Variants in RABGAP1L observed in about 807,000 individuals in gnomAD.
The protein encoded by RABGAP1L is rab GTPase-activating protein 1-like.
Under a neutral mutation model 137.7 loss-of-function variants are expected in RABGAP1L, and 63 were observed. The ratio of observed to expected loss-of-function variants is 0.46; its 90% CI spans 0.37 to 0.56. The LOEUF is 0.56. Among genes scored for constraint, RABGAP1L ranks in the 20% least tolerant of loss-of-function variants. The pLI is 0.00. For synonymous variants in RABGAP1L, 431 were observed against 433.7 expected (o/e 0.99, Z 0.08); for missense variants, 1,095 against 1,244.0 (o/e 0.88, Z 1.80).
At chr1:174,579,871 C>T (rs1232283807) in intron 13 of RABGAP1L, among the ~76,000 whole-genome samples, 2 of 152,204 alleles carry the variant, frequency 1.3e-5, no homozygotes, top group African/African-American at 2.4e-5. Flanking sequence ...AAGCAATTCT[C>T]CTGCCTCAGT....
chr1:174,302,001 T>G (rs1029169478), intron 10 of RABGAP1L, among the ~76,000 whole-genome samples: 1 of 152,208 alleles, frequency 6.6e-6, no homozygotes, highest in Non-Finnish European at 1.5e-5. Context: ...CCTGCCCCTG[T>G]CTGCCTAGGA....
At chr1:174,211,962 A>G (rs572555738) in intron 1 of RABGAP1L, among the ~76,000 whole-genome samples, 83 of 152,232 alleles carry the variant, frequency 5.5e-4, no homozygotes, top group African/African-American at 1.9e-3. Flanking sequence ...ACCTAACCCT[A>G]GAGCACCCAG....
intron 1 of RABGAP1L, among the ~76,000 whole-genome samples, chr1:174,193,674 CAG>C (rs556105689): frequency 1.3e-3 from 198 of 152,198 alleles, no homozygotes; most frequent in Non-Finnish European, 2.1e-3. Flanking sequence ...GAACATTAAA[CAG>C]AATGCCAGGT....
chr1:174,639,290 T>C (rs1674332407), intron 14 of RABGAP1L, among the ~76,000 whole-genome samples: 1 of 152,114 alleles, frequency 6.6e-6, no homozygotes, highest in Non-Finnish European at 1.5e-5. Flanking sequence ...ATATATAACT[T>C]ATAATCTGAG....
At chr1:174,950,123 C>A (rs1258991453) in intron 19 of RABGAP1L, among the ~76,000 whole-genome samples, 1 of 152,166 alleles carries the variant, frequency 6.6e-6, no homozygotes, top group Non-Finnish European at 1.5e-5. Flanking sequence ...AAAACAAGTA[C>A]AGCACCATAG....
intron 1 of RABGAP1L, among the ~76,000 whole-genome samples, chr1:174,207,441 A>G (rs376819489): frequency 7.2e-5 from 11 of 152,316 alleles, no homozygotes; most frequent in South Asian, 6.2e-4. Flanking sequence ...ACTGCTGCAT[A>G]ATAGTAGACT....
intron 13 of RABGAP1L, among the ~76,000 whole-genome samples, chr1:174,414,875 G>T (rs1650369182): frequency 1.3e-5 from 2 of 151,346 alleles, no homozygotes; most frequent in South Asian, 4.2e-4. Flanking sequence ...TTGAAAACTA[G>T]TTTCCTAGTT....
Position 174,328,008 on chromosome 1 carries a change from T to C in RABGAP1L, c.1465+22881T>C, listed in dbSNP as rs910835200. Among the ~76,000 whole-genome samples, 82 of 125,826 alleles carry C rather than the reference T, an allele frequency of 6.5e-4. 3 individuals carry two copies. Among genetic ancestry groups the C allele is most frequent in the African/African-American group, 3.1e-3 (75 of 24,400 alleles). 82.5% of individuals were successfully genotyped at this position (125,826 alleles called of 152,430 possible). ...ACACATATATATATATATATATATATATATATATATATATATACCCAACAT... is the reference window on the plus strand; with the variant it reads ...ACACATATATATATATATATATATACATATATATATATATATACCCAACAT... On this transcript the variant is annotated intron_variant, in intron 11 of 25. Transcript: ENST00000681986.
At chr1:174,862,181 C>T (rs577256267) in intron 19 of RABGAP1L, among the ~76,000 whole-genome samples, 2 of 152,158 alleles carry the variant, frequency 1.3e-5, no homozygotes, top group South Asian at 2.1e-4. Context: ...TTTCCAGCAC[C>T]GTTTATTGGA....
chr1:174,350,033 G>A (rs1453901142), intron 11 of RABGAP1L, among the ~76,000 whole-genome samples: 21 of 124,710 alleles, frequency 1.7e-4, no homozygotes, highest in Non-Finnish European at 3.2e-4. Flanking sequence ...CAGTAGGGGC[G>A]GCCGGGCAGA....
intron 10 of RABGAP1L, among the ~76,000 whole-genome samples, chr1:174,292,141 G>A (rs978056450): frequency 4.7e-5 from 7 of 149,962 alleles, no homozygotes; most frequent in Non-Finnish European, 1.0e-4. Context: ...GGGCTCAAGC[G>A]AGTCTCCCAT....
intron 13 of RABGAP1L, among the ~76,000 whole-genome samples, chr1:174,552,132 C>T (rs957929345): frequency 6.6e-6 from 1 of 152,112 alleles, no homozygotes; most frequent in African/African-American, 2.4e-5. Flanking sequence ...TTTGGCATGG[C>T]ACATGATCTT....
rs562043404 is a variant in RABGAP1L at position 174,238,542 on chromosome 1, G to T, written c.543-2941G>T. ...ATACCCTGCAGTGTGAGGTGTCAGTGTGCCTCTGCTGGGGGGTGCCTCCCA... is the reference window on the plus strand; with the variant it reads ...ATACCCTGCAGTGTGAGGTGTCAGTTTGCCTCTGCTGGGGGGTGCCTCCCA... On this transcript the variant is annotated intron_variant, in intron 4 of 25. Coordinates refer to ENST00000681986, the MANE Select transcript of RABGAP1L (RefSeq NM_001366446.1). Among the ~76,000 whole-genome samples, 156 of 152,170 alleles carry T rather than the reference G, an allele frequency of 1.0e-3. 1 individual carries two copies. Among genetic ancestry groups the T allele is most frequent in the African/African-American group, 2.8e-3 (117 of 41,468 alleles).
chr1:174,805,429 A>C (rs1359606126), intron 18 of RABGAP1L, among the ~76,000 whole-genome samples: 1 of 152,264 alleles, frequency 6.6e-6, no homozygotes, highest in Non-Finnish European at 1.5e-5. Flanking sequence ...AGGATTTGTC[A>C]GAAAGCTCAG....
intron 3 of RABGAP1L, among the ~76,000 whole-genome samples, chr1:174,227,492 C>T (rs1001087966): frequency 2.0e-5 from 3 of 151,924 alleles, no homozygotes; most frequent in Non-Finnish European, 4.4e-5. Flanking sequence ...TGAGTCACTG[C>T]GCCCAGCTGA....
intron 13 of RABGAP1L, among the ~76,000 whole-genome samples, chr1:174,397,995 A>C (rs1648084747): frequency 6.6e-6 from 1 of 152,226 alleles, no homozygotes; most frequent in African/African-American, 2.4e-5. Flanking sequence ...AAAAAGATAC[A>C]AATCTGAACC....
chr1:174,571,337 TG>T (rs1667965473), intron 13 of RABGAP1L, among the ~76,000 whole-genome samples: 1 of 152,042 alleles, frequency 6.6e-6, no homozygotes, highest in African/African-American at 2.4e-5. Flanking sequence ...TTAGAAAGAA[TG>T]AGTAAGACCT....
chr1:174,664,734 C>CCT (rs1553229416), intron 14 of RABGAP1L, among the ~76,000 whole-genome samples: 1 of 97,580 alleles, frequency 1.0e-5, no homozygotes, highest in Non-Finnish European at 1.8e-5. Flanking sequence ...TTTCTGCTTT[C>CCT]TTTTTTTTTT....
At chr1:174,205,545 C>T (rs1668448965) in intron 1 of RABGAP1L, among the ~76,000 whole-genome samples, 2 of 151,982 alleles carry the variant, frequency 1.3e-5, no homozygotes. Flanking sequence ...ATTTATGTCT[C>T]TTTTAGGCTT....
Sources: allele counts gnomAD v4.1 joint callset (sites outside exome capture counted in the v4.1 genomes callset), GRCh38; gene constraint gnomAD v4.1.1; transcripts MANE v1.5; gene names NCBI Gene and HGNC (gene_info 2026-07-23, HGNC 2026-07-21).